The following CACNA2D1 variants were observed in gnomAD, a reference collection of about 807,000 sequenced individuals.
The protein encoded by CACNA2D1 is calcium voltage-gated channel auxiliary subunit alpha2delta 1, also known as voltage-dependent calcium channel subunit alpha-2/delta-1.
CACNA2D1 carries 53 observed loss-of-function variants against 171.5 expected under a neutral mutation model. The observed-to-expected ratio is 0.31, with a 90% CI of 0.25 to 0.39. The LOEUF (loss-of-function observed/expected upper bound fraction) is 0.39, where lower values mean the gene tolerates loss of function less well. Among genes scored for constraint, CACNA2D1 ranks in the 10% least tolerant of loss-of-function variants. The probability of loss-of-function intolerance (pLI) is 1.00; values close to 1 mark genes in which losing one functional copy is unlikely to be tolerated. For synonymous variants in CACNA2D1, 442 were observed against 443.1 expected, an observed-to-expected ratio of 1.00 and a Z score of 0.03; for missense variants, 903 against 1,299.8, an observed-to-expected ratio of 0.69 and a Z score of 4.69.
intron 3 of CACNA2D1, among the ~76,000 whole-genome samples, chr7:82,305,329 T>C (rs1813582419): frequency 6.6e-6 from 1 of 152,218 alleles, no homozygotes; most frequent in Non-Finnish European, 1.5e-5. Context: ...ATATACTTCT[T>C]TGACATATTT....
intron 5 of CACNA2D1, among the ~76,000 whole-genome samples, chr7:82,124,892 T>C (rs1407160787): frequency 1.3e-5 from 2 of 152,022 alleles, no homozygotes; most frequent in African/African-American, 2.4e-5. Flanking sequence ...AGACAGCTTT[T>C]TAAAAAAAAA....
At chr7:82,170,759 A>C in intron 3 of CACNA2D1, 150 bp from the exon 4 acceptor site, 1 of 725,854 alleles carries the variant, frequency 1.4e-6, no homozygotes, top group Non-Finnish European at 2.4e-6. Context: ...ATCATTTAGT[A>C]ATCTAACCTA....
intron 3 of CACNA2D1, among the ~76,000 whole-genome samples, chr7:82,235,313 T>C (rs1350364405): frequency 6.6e-6 from 1 of 152,150 alleles, no homozygotes; most frequent in East Asian, 1.9e-4. Context: ...AGTGCTAGTA[T>C]AAAGTAGAAC....
At chr7:82,269,786 T>C (rs1808375054) in intron 3 of CACNA2D1, among the ~76,000 whole-genome samples, 4 of 152,190 alleles carry the variant, frequency 2.6e-5, no homozygotes, top group Admixed American at 1.3e-4. Context: ...CCCCTTCATT[T>C]ACATTCTCTC....
At chr7:82,309,661 T>G (rs1814180918) in intron 3 of CACNA2D1, among the ~76,000 whole-genome samples, 1 of 152,142 alleles carries the variant, frequency 6.6e-6, no homozygotes, top group African/African-American at 2.4e-5. Context: ...CTATCTTTGG[T>G]TTTGAGCCTC....
At chr7:82,407,668 A>T (rs576738565) in intron 1 of CACNA2D1, among the ~76,000 whole-genome samples, 10 of 152,310 alleles carry the variant, frequency 6.6e-5, no homozygotes, top group African/African-American at 2.4e-4. Flanking sequence ...AGAAAGATAA[A>T]TAAGACACAG....
At chr7:82,056,009 T>A (rs1225284256) in intron 10 of CACNA2D1, among the ~76,000 whole-genome samples, 58 of 42,190 alleles carry the variant, frequency 1.4e-3, no homozygotes, top group African/African-American at 1.8e-3. Flanking sequence ...ACTCAAAAGT[T>A]AAAAAAAAAA....
chr7:82,236,960 G>A (rs1456235842), intron 3 of CACNA2D1, among the ~76,000 whole-genome samples: 1 of 151,662 alleles, frequency 6.6e-6, no homozygotes, highest in Non-Finnish European at 1.5e-5. Context: ...CTCAACCATG[G>A]TTAAATCCAT....
At chr7:82,374,577 C>T (rs978326) in intron 1 of CACNA2D1, among the ~76,000 whole-genome samples, 94,916 of 151,892 alleles carry the variant, frequency 0.62, 30,228 homozygotes, top group Middle Eastern at 0.74. Context: ...TGGCCACAAT[C>T]AGTACTAGAA....
chr7:82,430,130 T>C lies in CACNA2D1; in HGVS notation c.95+13235A>G, dbSNP rs188336009. Among the ~76,000 whole-genome samples, 5 of 141,110 alleles carry C rather than the reference T, an allele frequency of 3.5e-5. No individual in the cohort carries two copies. In the East Asian group the frequency reaches 1.0e-3, roughly 29 times the overall value. The allele number at this position is 141,110 out of a possible 152,430, so 92.6% of individuals were successfully genotyped here. ...AAATGACTGCTATAAAAAGGCCATGTTGGCTGGGCGCAGTGGCTCACACCT... is the reference window on the plus strand; with the variant it reads ...AAATGACTGCTATAAAAAGGCCATGCTGGCTGGGCGCAGTGGCTCACACCT... On this transcript the variant is annotated intron_variant, in intron 1 of 38. Coordinates refer to ENST00000356860, the MANE Select transcript of CACNA2D1 (RefSeq NM_000722.4).
At chr7:82,363,136 C>T (rs1336638905) in intron 1 of CACNA2D1, among the ~76,000 whole-genome samples, 1 of 151,882 alleles carries the variant, frequency 6.6e-6, no homozygotes, top group Non-Finnish European at 1.5e-5. Context: ...ATTAAGTGTC[C>T]TCAGGCATCC....
intron 17 of CACNA2D1, 88 bp from the exon 18 acceptor site, chr7:82,005,585 C>G: frequency 1.1e-6 from 1 of 897,254 alleles, no homozygotes; most frequent in Non-Finnish European, 1.8e-6. Flanking sequence ...GTATTAAATA[C>G]ACATTGTATA....
At chr7:82,150,316 C>T (rs1793715568) in intron 4 of CACNA2D1, among the ~76,000 whole-genome samples, 2 of 128,580 alleles carry the variant, frequency 1.6e-5, no homozygotes, top group East Asian at 2.4e-4. Context: ...GGTTCATCTA[C>T]TTTTTTTTTC....
At chr7:82,264,468 C>T (rs904643405) in intron 3 of CACNA2D1, among the ~76,000 whole-genome samples, 6 of 152,144 alleles carry the variant, frequency 3.9e-5, no homozygotes, top group Non-Finnish European at 8.8e-5. Context: ...TGCTTATTTT[C>T]AAGGCATATA....
chr7:82,390,181 T>C (rs889378132), intron 1 of CACNA2D1, among the ~76,000 whole-genome samples: 7 of 152,200 alleles, frequency 4.6e-5, no homozygotes, highest in African/African-American at 1.7e-4. Flanking sequence ...AGGAATAAGA[T>C]TGGAGACAGC....
intron 6 of CACNA2D1, among the ~76,000 whole-genome samples, chr7:82,105,161 G>C (rs1324486892): frequency 2.0e-5 from 3 of 151,892 alleles, no homozygotes; most frequent in Non-Finnish European, 4.4e-5. Flanking sequence ...AGAATTGTAA[G>C]GTTAAAATAC....
chr7:82,043,314 C>A (rs1305240626), intron 10 of CACNA2D1, among the ~76,000 whole-genome samples: 1 of 152,120 alleles, frequency 6.6e-6, no homozygotes, highest in African/African-American at 2.4e-5. Flanking sequence ...GTCTGACATA[C>A]AGTAGATGTT....
intron 3 of CACNA2D1, among the ~76,000 whole-genome samples, chr7:82,198,781 C>T (rs546609604): frequency 6.6e-6 from 1 of 151,632 alleles, no homozygotes; most frequent in South Asian, 2.1e-4. Flanking sequence ...TCTATTAATA[C>T]TATGCTGCTC....
chr7:82,015,634 C>T (rs959725504), intron 12 of CACNA2D1, among the ~76,000 whole-genome samples: 1 of 152,070 alleles, frequency 6.6e-6, no homozygotes, highest in Non-Finnish European at 1.5e-5. Context: ...TTAGCTATTT[C>T]TAAAAATAGA....
Sources: allele counts gnomAD v4.1 joint callset (sites outside exome capture counted in the v4.1 genomes callset), GRCh38; gene constraint gnomAD v4.1.1; transcripts MANE v1.5; gene names NCBI Gene and HGNC (gene_info 2026-07-23, HGNC 2026-07-21).